TSHZ2: variants seen among roughly 807,000 people sequenced by gnomAD.
TSHZ2 encodes teashirt homolog 2.
Under a neutral mutation model 74.4 loss-of-function variants are expected in TSHZ2, and 21 were observed. The ratio of observed to expected loss-of-function variants is 0.28; its 90% confidence interval spans 0.20 to 0.41. The LOEUF is 0.41. Among genes scored for constraint, TSHZ2 ranks in the 10% least tolerant of loss-of-function variants. TSHZ2 has a pLI of 1.00. For synonymous variants in TSHZ2, 540 were observed against 515.3 expected (o/e 1.05, Z -0.65); for missense variants, 1,244 against 1,293.5 (o/e 0.96, Z 0.59).
intron 1 of TSHZ2, among the ~76,000 whole-genome samples, chr20:53,027,981 G>A (rs1427589206): frequency 6.6e-6 from 1 of 152,178 alleles, no homozygotes; most frequent in Non-Finnish European, 1.5e-5. Flanking sequence ...GGGCACTGCT[G>A]AAGTTATCCA....
intron 2 of TSHZ2, among the ~76,000 whole-genome samples, chr20:53,334,403 GAACAGC>G (rs1285854935): frequency 2.0e-4 from 31 of 152,216 alleles, no homozygotes; most frequent in Admixed American, 1.5e-3. Context: ...CTAAGTGGGG[GAACAGC>G]AAGTGCACAG....
chr20:53,177,335 A>G (rs949471917), intron 1 of TSHZ2, among the ~76,000 whole-genome samples: 7 of 152,220 alleles, frequency 4.6e-5, no homozygotes, highest in African/African-American at 1.7e-4. Flanking sequence ...AAGAGTTAGT[A>G]TAAATTGTTA....
chr20:53,223,096 C>T (rs1989602399), intron 1 of TSHZ2, among the ~76,000 whole-genome samples: 1 of 151,914 alleles, frequency 6.6e-6, no homozygotes, highest in Non-Finnish European at 1.5e-5. Flanking sequence ...TCTAATATGT[C>T]TATCATCTAG....
At chr20:53,005,811 C>A (rs1457540709) in intron 1 of TSHZ2, among the ~76,000 whole-genome samples, 1 of 152,108 alleles carries the variant, frequency 6.6e-6, no homozygotes, top group East Asian at 1.9e-4. Context: ...GGTGACCTCA[C>A]TTTTTCTTCT....
At position 53,167,817 on chromosome 20, in the gene TSHZ2, G is replaced by A. The variant is rs137873877; in HGVS notation, c.41-85682G>A. Among the ~76,000 whole-genome samples the A allele has an allele frequency of 2.4e-3, 372 of 152,288 alleles. 5 individuals are homozygous for A. Among genetic ancestry groups the A allele is most frequent in the African/African-American group, 8.7e-3 (362 of 41,562 alleles). Reference sequence around the variant, plus strand: ...GGTGGGGTATTACGTCCCCCGTAGAGTCATGTGAAGTTATGACAAATGTGA... The same window carrying A: ...GGTGGGGTATTACGTCCCCCGTAGAATCATGTGAAGTTATGACAAATGTGA... On this transcript the variant is annotated intron_variant, in intron 1 of 2. Transcript: ENST00000371497.
At chr20:53,073,722 T>C (rs1291139435) in intron 1 of TSHZ2, among the ~76,000 whole-genome samples, 1 of 152,052 alleles carries the variant, frequency 6.6e-6, no homozygotes, top group Non-Finnish European at 1.5e-5. Flanking sequence ...TTGAAAAGAG[T>C]GGTTCTCATC....
rs537895938 is a variant in TSHZ2, at chr20:53,436,410, C to G, written c.*9-50734C>G. Among the ~76,000 whole-genome samples, 334 of 152,148 alleles carry G rather than the reference C, an allele frequency of 2.2e-3. 2 individuals carry two copies. The highest frequency in any genetic ancestry group is 0.017 in the Middle Eastern group (5 of 294). Reference sequence around the variant, plus strand: ...CAAACCCAGAAGCTCAGAGGCTGCCCAGGGAAGGACACACAGTGCCCTGCG... The same window carrying G: ...CAAACCCAGAAGCTCAGAGGCTGCCGAGGGAAGGACACACAGTGCCCTGCG... On this transcript the variant is annotated intron_variant, in intron 2 of 2. Transcript: ENST00000371497.
At chr20:53,287,417 T>A (rs1600790813) in intron 2 of TSHZ2, among the ~76,000 whole-genome samples, 1 of 152,328 alleles carries the variant, frequency 6.6e-6, no homozygotes, top group East Asian at 1.9e-4. Flanking sequence ...GACTTACTTT[T>A]CAGGAGTTAC....
At position 53,078,151 on chromosome 20, in the gene TSHZ2, T is replaced by C. The variant is rs538956366; in HGVS notation, c.40+104818T>C. On this transcript the variant is annotated intron_variant, in intron 1 of 2. Coordinates refer to ENST00000371497, the MANE Select transcript of TSHZ2 (RefSeq NM_173485.6). The stretch of plus-strand genomic sequence containing the variant: ...CCAGCTTTAGACTGCAAAATCTGTG[T>C]GTTCACGCTAAGAAAGGGAGATTTC... Among the ~76,000 whole-genome samples, 10 of 152,326 alleles carry C rather than the reference T, an allele frequency of 6.6e-5. No individual in the cohort carries two copies. In the East Asian group the frequency reaches 1.9e-3, roughly 29 times the overall value.
intron 2 of TSHZ2, among the ~76,000 whole-genome samples, chr20:53,385,929 C>T (rs907043747): frequency 3.9e-5 from 6 of 152,204 alleles, no homozygotes; most frequent in Non-Finnish European, 5.9e-5. Context: ...TCACTCCGGA[C>T]ACAAAGATGA....
chr20:53,325,548 G>C (rs1356227250), intron 2 of TSHZ2, among the ~76,000 whole-genome samples: 1 of 152,278 alleles, frequency 6.6e-6, no homozygotes, highest in Admixed American at 6.5e-5. Context: ...GGACTTCAGT[G>C]ATGGGCCAGG....
At chr20:53,471,474 A>G (rs1292313325) in intron 2 of TSHZ2, among the ~76,000 whole-genome samples, 2 of 152,230 alleles carry the variant, frequency 1.3e-5, no homozygotes, top group African/African-American at 4.8e-5. Context: ...ATACGCTGCA[A>G]TAAGTCTTAT....
intron 2 of TSHZ2, among the ~76,000 whole-genome samples, chr20:53,469,043 TTTTATATATATA>T (rs1985654607): frequency 7.3e-5 from 1 of 13,694 alleles, no homozygotes; most frequent in African/African-American, 1.6e-4. Flanking sequence ...GAAATCGATA[TTTTATATATATA>T]TATATATATA....
In TSHZ2 at chr20:52,973,219, G is replaced by C. The variant is rs1486684721; in HGVS notation, c.-75G>C. On this transcript the variant is annotated 5_prime_UTR_variant, in exon 1 of 3. Coordinates refer to ENST00000371497, the MANE Select transcript of TSHZ2 (RefSeq NM_173485.6). Reference sequence around the variant, plus strand: ...GCAAGAGGCGGAGGAGACCCAGAGAGGCCAGAGAGACAGCGGGCCCCAGCG... The same window carrying C: ...GCAAGAGGCGGAGGAGACCCAGAGACGCCAGAGAGACAGCGGGCCCCAGCG... 1.6e-5 allele frequency: 24 copies of C among 1,544,610 alleles called. No homozygotes were observed. Among genetic ancestry groups the C allele is most frequent in the South Asian group, 3.6e-5 (3 of 83,728 alleles).
At chr20:53,326,127 T>C (rs1398846595) in intron 2 of TSHZ2, among the ~76,000 whole-genome samples, 2 of 152,230 alleles carry the variant, frequency 1.3e-5, no homozygotes, top group African/African-American at 4.8e-5. Context: ...GCACCACCCC[T>C]GCTGCCTCTT....
rs1193356535 is a variant in TSHZ2, at chr20:53,253,664, C to G, written c.206C>G (p.Ser69Cys). 4 of 1,614,028 alleles carry G rather than the reference C, an allele frequency of 2.5e-6. No homozygotes were observed. In the East Asian group the frequency reaches 8.9e-5, roughly 36 times the overall value. ...AAAGGCTGCTTCAGCTACCAGAACT[C>G]TCCAGGAAGTCATTTGTCCAATCAG... is the stretch of plus-strand genomic sequence containing the variant. ...EQKGCFSYQN[S>C]PGSHLSNQDA... Residue 69 changes from serine to cysteine, a missense_variant, in exon 2 of 3, where the codon TCT (serine) becomes TGT (cysteine). Ser to Cys is a moderately radical substitution (Grantham distance 112). Around this residue, in one of 6 missense-constraint regions of TSHZ2, gnomAD observed 470 missense variants for 456.5 expected, o/e 1.03. Coordinates refer to ENST00000371497, the MANE Select transcript of TSHZ2 (RefSeq NM_173485.6).
intron 1 of TSHZ2, among the ~76,000 whole-genome samples, chr20:53,237,673 A>G (rs1197807433): frequency 6.6e-6 from 1 of 152,208 alleles, no homozygotes; most frequent in Admixed American, 6.5e-5. Flanking sequence ...GCGAGGCTGC[A>G]TCTTTAGGAG....
intron 1 of TSHZ2, among the ~76,000 whole-genome samples, chr20:53,110,370 T>A (rs6097236): frequency 0.076 from 11,579 of 152,062 alleles, 934 homozygotes; most frequent in East Asian, 0.33. Flanking sequence ...TCCGGCCCTC[T>A]CTTGCTGCTC....
At chr20:53,441,250 A>ATTTTT (rs1337248488) in intron 2 of TSHZ2, among the ~76,000 whole-genome samples, 6 of 146,108 alleles carry the variant, frequency 4.1e-5, no homozygotes, top group Admixed American at 1.4e-4. Flanking sequence ...ATTTTATTTT[A>ATTTTT]TTTTATTTTA....
Sources: allele counts gnomAD v4.1 joint callset (sites outside exome capture counted in the v4.1 genomes callset), GRCh38; gene constraint gnomAD v4.1.1; regional missense constraint gnomAD v4.1.1; transcripts MANE v1.5; gene names NCBI Gene and HGNC (gene_info 2026-07-23, HGNC 2026-07-21).